Variants in SRSF10 observed in about 807,000 individuals in gnomAD.
The protein encoded by SRSF10 is serine/arginine-rich splicing factor 10.
Under a neutral mutation model 32.6 loss-of-function variants are expected in SRSF10, and 9 were observed. The ratio of observed to expected loss-of-function variants is 0.28; its 90% confidence interval spans 0.17 to 0.48. The LOEUF (loss-of-function observed/expected upper bound fraction) is 0.48. Ranked by LOEUF, SRSF10 falls within the 20% of genes least tolerant of loss-of-function variation. SRSF10 has a pLI of 0.99. For synonymous variants in SRSF10, 105 were observed against 112.4 expected, an observed-to-expected ratio of 0.93 and a Z score of 0.42; for missense variants, 201 against 331.8, an observed-to-expected ratio of 0.61 and a Z score of 3.06.
In SRSF10 at chr1:23,969,769, C is replaced by A; in HGVS notation, c.*1373G>T. 1 of 985,304 alleles carries A rather than the reference C, an allele frequency of 1.0e-6. No individual in the cohort carries two copies. 61.0% of individuals were successfully genotyped at this position (985,304 alleles called of 1,614,324 possible). A position where few individuals can be genotyped will look rare whatever the true frequency, so the allele number is the denominator to read the frequency against. ...ACTTCATTTTTAGTCAGGTACTACA[C>A]TGATAATCGAAAGCTCAAAAGATGT... On this transcript the variant is annotated 3_prime_UTR_variant, in exon 6 of 6. Transcript: ENST00000492112.
rs1048863706 is a variant in SRSF10, at chr1:23,965,461, T to C, written c.*5681A>G. The C allele has an allele frequency of 2.0e-5, 3 of 152,018 alleles. No individual in the cohort carries two copies. The highest frequency in any genetic ancestry group is 7.2e-5 in the African/African-American group (3 of 41,444). 9.4% of individuals were successfully genotyped at this position (152,018 alleles called of 1,614,324 possible). A position where few individuals can be genotyped will look rare whatever the true frequency, so the allele number is the denominator to read the frequency against. ...ATTATCCATTTACCTTGTAAGGTTG[T>C]GAGAAATGAATAGCATAATATGCAA... On this transcript the variant is annotated 3_prime_UTR_variant, in exon 6 of 6. Coordinates refer to ENST00000492112, the MANE Select transcript of SRSF10 (RefSeq NM_054016.4).
In SRSF10 at chr1:23,969,392, A is replaced by G. The variant is rs1293266504; in HGVS notation, c.*1750T>C. On this transcript the variant is annotated 3_prime_UTR_variant, in exon 6 of 6. Coordinates refer to ENST00000492112, the MANE Select transcript of SRSF10 (RefSeq NM_054016.4). ...ACGTGCATATAAACGATTGCATAGCAGAACATGAACATTAACTGCAAACAG... is the reference window on the plus strand; with the variant it reads ...ACGTGCATATAAACGATTGCATAGCGGAACATGAACATTAACTGCAAACAG... 6 of 985,806 alleles carry G rather than the reference A, an allele frequency of 6.1e-6. No homozygotes were observed. The South Asian group carries it at 2.3e-4, about 39-fold the overall frequency. 61.1% of individuals were successfully genotyped at this position (985,806 alleles called of 1,614,324 possible).
At chr1:23,974,041 G>T (rs1641932151) in intron 3 of SRSF10, among the ~76,000 whole-genome samples, 1 of 150,314 alleles carries the variant, frequency 6.7e-6, no homozygotes, top group African/African-American at 2.5e-5. Flanking sequence ...GCCCAGTCTG[G>T]AGTGCAGTGG....
intron 2 of SRSF10, 104 bp downstream of exon 2, chr1:23,978,605 CATTT>C (rs1642226994): frequency 8.1e-6 from 11 of 1,355,380 alleles, no homozygotes; most frequent in Non-Finnish European, 1.1e-5. Flanking sequence ...TGAAGACAGA[CATTT>C]ATTAGAGGAC....
chr1:23,970,226 G>GA lies in SRSF10; in HGVS notation c.*915dup. Reference sequence around the variant, plus strand: ...ATGTTCCAAATCTTCATAGGAACCAGAAAAAAAGCAGTGAAGGCTCCATGT... The same window carrying GA: ...ATGTTCCAAATCTTCATAGGAACCAGAAAAAAAAGCAGTGAAGGCTCCATGT... On this transcript the variant is annotated 3_prime_UTR_variant, in exon 6 of 6. Coordinates refer to ENST00000492112, the MANE Select transcript of SRSF10 (RefSeq NM_054016.4). The GA allele has an allele frequency of 6.1e-6, 6 of 985,200 alleles. No homozygotes were observed. The highest frequency in any genetic ancestry group is 7.2e-6 in the Non-Finnish European group (6 of 829,876). The allele number at this position is 985,200 out of a possible 1,614,324, so 61.0% of individuals were successfully genotyped here. A position where few individuals can be genotyped will look rare whatever the true frequency, so the allele number is the denominator to read the frequency against.
chr1:23,969,355 A>C lies in SRSF10; in HGVS notation c.*1787T>G. On this transcript the variant is annotated 3_prime_UTR_variant, in exon 6 of 6. Transcript: ENST00000492112. ...AACTATACATCCAGGAAAATCTAAA[A>C]AAATTAAAGAAACGTGCATATAAAC... 1 of 985,666 alleles carries C rather than the reference A, an allele frequency of 1.0e-6. No homozygotes were observed. Among genetic ancestry groups the C allele is most frequent in the African/African-American group, 1.7e-5 (1 of 57,366 alleles). The allele number at this position is 985,666 out of a possible 1,614,324, so 61.1% of individuals were successfully genotyped here.
Position 23,968,436 on chromosome 1 carries a change from G to T in SRSF10, c.*2706C>A, listed in dbSNP as rs1317825664. 6.6e-6 allele frequency among the ~76,000 whole-genome samples: 1 copy of T among 152,050 alleles called. No individual in the cohort carries two copies. The highest frequency in any genetic ancestry group is 1.5e-5 in the Non-Finnish European group (1 of 68,002). On this transcript the variant is annotated 3_prime_UTR_variant, in exon 6 of 6. Transcript: ENST00000492112. ...GGGACCAGGCCTGGGCTTAAATCCT[G>T]GCTCTGCCTTACAGTCTTTTCTTTG...
chr1:23,978,429 CTTACA>C (rs1426901658), intron 2 of SRSF10, among the ~76,000 whole-genome samples: 2 of 152,174 alleles, frequency 1.3e-5, no homozygotes, highest in Admixed American at 6.5e-5. Context: ...TTTTAAAGGA[CTTACA>C]TTAAAGGTAG....
Position 23,967,838 on chromosome 1 carries a change from A to C in SRSF10, c.*3304T>G. 1 of 1,560,100 alleles carries C rather than the reference A, an allele frequency of 6.4e-7. No individual in the cohort carries two copies. Among genetic ancestry groups the C allele is most frequent in the Non-Finnish European group, 8.7e-7 (1 of 1,150,262 alleles). ...GCTTACTGGGCCAAATTTTCAAGAG[A>C]ATAATACAATAGTTCCCAGGTCTTT... On this transcript the variant is annotated 3_prime_UTR_variant, in exon 6 of 6. Coordinates refer to ENST00000492112, the MANE Select transcript of SRSF10 (RefSeq NM_054016.4).
chr1:23,972,393 T>G (rs902090435), intron 3 of SRSF10, among the ~76,000 whole-genome samples: 1 of 150,486 alleles, frequency 6.6e-6, no homozygotes, highest in South Asian at 2.1e-4. Context: ...TCAGAGACCC[T>G]GTCTCCAAAA....
chr1:23,978,216 T>TA, intron 2 of SRSF10: 1 of 985,938 alleles, frequency 1.0e-6, no homozygotes. Flanking sequence ...AACTCTACTC[T>TA]AAAGGTTCTT....
intron 2 of SRSF10, chr1:23,977,894 G>C: frequency 1.0e-6 from 1 of 971,042 alleles, no homozygotes; most frequent in Non-Finnish European, 1.2e-6. Context: ...AAGAAAAATA[G>C]TTATTCTGTA....
At position 23,970,735 on chromosome 1, in the gene SRSF10, G is replaced by C; in HGVS notation, c.*407C>G. 9.9e-7 allele frequency: 1 copy of C among 1,009,022 alleles called. No homozygotes were observed. The allele number at this position is 1,009,022 out of a possible 1,614,324, so 62.5% of individuals were successfully genotyped here. A position where few individuals can be genotyped will look rare whatever the true frequency, so the allele number is the denominator to read the frequency against. The stretch of plus-strand genomic sequence containing the variant: ...TCTGAGCAGTCAGTGTTGTACTGTG[G>C]CTACTACTTCACTTTTGTATCATTC... On this transcript the variant is annotated 3_prime_UTR_variant, in exon 6 of 6. Coordinates refer to ENST00000492112, the MANE Select transcript of SRSF10 (RefSeq NM_054016.4).
chr1:23,968,019 C>G lies in SRSF10; in HGVS notation c.*3123G>C. 1.3e-6 allele frequency: 2 copies of G among 1,534,222 alleles called. No individual in the cohort carries two copies. On this transcript the variant is annotated 3_prime_UTR_variant, in exon 6 of 6. Transcript: ENST00000492112. Reference sequence around the variant, plus strand: ...TAAAAGGAGAGGTGAAGTGTGTCAGCCCTCATTTGAGTGTTGATATAACCA... The same window carrying G: ...TAAAAGGAGAGGTGAAGTGTGTCAGGCCTCATTTGAGTGTTGATATAACCA...
intron 2 of SRSF10, chr1:23,977,665 CG>C (rs1379054161): frequency 1.3e-5 from 2 of 155,260 alleles, no homozygotes; most frequent in Non-Finnish European, 2.8e-5. Flanking sequence ...CCTGCTACTC[CG>C]TGGCATCTGA....
In SRSF10 at chr1:23,969,716, T is replaced by C; in HGVS notation, c.*1426A>G. The stretch of plus-strand genomic sequence containing the variant: ...CCAAAACGATCTTTCAGAGAAATAC[T>C]AGAAATTATAAATGGTTTAAGGGTA... On this transcript the variant is annotated 3_prime_UTR_variant, in exon 6 of 6. Coordinates refer to ENST00000492112, the MANE Select transcript of SRSF10 (RefSeq NM_054016.4). The C allele has an allele frequency of 2.0e-6, 2 of 985,372 alleles. No individual in the cohort carries two copies. Among genetic ancestry groups the C allele is most frequent in the Middle Eastern group, 5.2e-4 (1 of 1,914 alleles). 61.0% of individuals were successfully genotyped at this position (985,372 alleles called of 1,614,324 possible).
chr1:23,967,886 C>A lies in SRSF10; in HGVS notation c.*3256G>T. ...TTTCCCCTGGGATGTAACTTAACAG[C>A]TCATACTCTATGTAGCACCTTTCCT... On this transcript the variant is annotated 3_prime_UTR_variant, in exon 6 of 6. Transcript: ENST00000492112. The A allele has an allele frequency of 6.5e-7, 1 of 1,548,686 alleles. No homozygotes were observed. The highest frequency in any genetic ancestry group is 1.4e-5 in the African/African-American group (1 of 72,658).
rs1641427666 is a variant in SRSF10 at position 23,965,924 on chromosome 1, ACATAGAACCTCTGTC to A, written c.*5203_*5217del. 1 of 151,992 alleles carries A rather than the reference ACATAGAACCTCTGTC, an allele frequency of 6.6e-6. No individual in the cohort carries two copies. Among genetic ancestry groups the A allele is most frequent in the African/African-American group, 2.4e-5 (1 of 41,444 alleles). The allele number at this position is 151,992 out of a possible 1,614,324, so 9.4% of individuals were successfully genotyped here. On this transcript the variant is annotated 3_prime_UTR_variant, in exon 6 of 6. Coordinates refer to ENST00000492112, the MANE Select transcript of SRSF10 (RefSeq NM_054016.4). ...AGCCTCTACATATTCTTTTAAAAAT[ACATAGAACCTCTGTC>A]CATAAGAACCCCTATGTTAATGAGT...
chr1:23,969,950 A>AT lies in SRSF10; in HGVS notation c.*1191dup, dbSNP rs1641645835. ...GCCTCCCTCATAAAGAGGCAGGCAA[A>AT]TTTTGATACAAATGCACGAGCCAAG... On this transcript the variant is annotated 3_prime_UTR_variant, in exon 6 of 6. Coordinates refer to ENST00000492112, the MANE Select transcript of SRSF10 (RefSeq NM_054016.4). The AT allele has an allele frequency of 1.0e-6, 1 of 985,276 alleles. No individual in the cohort carries two copies. Among genetic ancestry groups the AT allele is most frequent in the African/African-American group, 1.7e-5 (1 of 57,226 alleles). 61.0% of individuals were successfully genotyped at this position (985,276 alleles called of 1,614,324 possible).
Sources: allele counts gnomAD v4.1 joint callset (sites outside exome capture counted in the v4.1 genomes callset), GRCh38; gene constraint gnomAD v4.1.1; transcripts MANE v1.5; gene names NCBI Gene and HGNC (gene_info 2026-07-23, HGNC 2026-07-21).